CFP: variants seen among roughly 807,000 people sequenced by gnomAD.
CFP encodes complement factor properdin.
In CFP, 14 loss-of-function variants were observed where a neutral mutation model predicts 42.1. The observed-to-expected ratio is 0.33, with a 90% confidence interval of 0.22 to 0.52. The LOEUF (loss-of-function observed/expected upper bound fraction) is 0.52, where lower values mean the gene tolerates loss of function less well. Ranked by LOEUF, CFP falls within the 20% of genes least tolerant of loss-of-function variation. CFP has a pLI of 0.96. For missense variants in CFP, 318 were observed against 400.4 expected (o/e 0.79, Z 1.76); for synonymous variants, 149 against 160.6 (o/e 0.93, Z 0.54).
intron 2 of CFP, chrX:47,628,600 A>G: frequency 2.3e-6 from 1 of 427,617 alleles, no homozygotes; most frequent in South Asian, 2.6e-5. Context: ...TCACCACACT[A>G]CACGGTAGTA....
In CFP at chrX:47,627,340, G is replaced by C; in HGVS notation, c.575-8C>G. On this transcript the variant is annotated splice_polypyrimidine_tract_variant and splice_region_variant and intron_variant, in intron 4 of 8. Coordinates refer to ENST00000396992, the MANE Select transcript of CFP (RefSeq NM_001145252.3). Reference sequence around the variant, plus strand: ...TGGCCCAGGCCCCGTGTGCTGTGGTGGGGTGGGAGGTGGAGGGATGCAGGT... The same window carrying C: ...TGGCCCAGGCCCCGTGTGCTGTGGTCGGGTGGGAGGTGGAGGGATGCAGGT... 1 of 1,188,434 alleles carries C rather than the reference G, an allele frequency of 8.4e-7. No individual in the cohort carries two copies. The highest frequency in any genetic ancestry group is 1.1e-6 in the Non-Finnish European group (1 of 881,353).
intron 2 of CFP, 44 bp from the exon 3 acceptor site, chrX:47,628,321 A>G (rs2057977741): frequency 8.6e-7 from 1 of 1,156,385 alleles, no homozygotes; most frequent in Non-Finnish European, 1.2e-6. Flanking sequence ...ATGAGCTAAC[A>G]AGAATGGCAT....
chrX:47,624,728 A>G, intron 8 of CFP: 1 of 236,695 alleles, frequency 4.2e-6, no homozygotes, highest in Non-Finnish European at 7.5e-6. Flanking sequence ...TGGCCTCCCA[A>G]CACTACTTTT....
chrX:47,629,665 G>C lies in CFP; in HGVS notation c.86C>G (p.Pro29Arg). ...TTCATACTGGGTGAAGCAGAGCACG[G>C]GGTCTGAGCCTGTAACAGGGCCAGG... ...LLTLPATGSD[P>R]VLCFTQYEES... The change falls in exon 2 of 9, where the codon CCC (proline) becomes CGC (arginine). Residue 29 changes from proline (P) to arginine (R), a missense_variant. By Grantham distance (103) the Pro-to-Arg change is moderately radical. Transcript: ENST00000396992. The C allele has an allele frequency of 8.5e-7, 1 of 1,169,873 alleles. No individual in the cohort carries two copies. The highest frequency in any genetic ancestry group is 1.1e-6 in the Non-Finnish European group (1 of 873,189).
chrX:47,628,554 C>G (rs984951786), intron 2 of CFP: 1 of 473,321 alleles, frequency 2.1e-6, no homozygotes, highest in African/African-American at 2.4e-5. Context: ...AAGGTAAGGA[C>G]TAGAAACCAA....
chrX:47,629,635 G>C lies in CFP; in HGVS notation c.116C>G (p.Ser39Cys). The C allele has an allele frequency of 9.8e-7, 1 of 1,020,695 alleles. No individual in the cohort carries two copies. 84.1% of individuals were successfully genotyped at this position (1,020,695 alleles called of 1,213,427 possible). Residue 39 changes from serine (S) to cysteine (C), a missense_variant, in exon 2 of 9, where the codon TCC becomes TGC. By Grantham distance (112) the Ser-to-Cys change is moderately radical. Transcript: ENST00000396992. ...CAGGAGGCCCTTGCACTTGCCGGAGGATTCTTCATACTGGGTGAAGCAGAG... is the reference window on the plus strand; with the variant it reads ...CAGGAGGCCCTTGCACTTGCCGGAGCATTCTTCATACTGGGTGAAGCAGAG... ...PVLCFTQYEE[S>C]SGKCKGLLGG... is the part of the protein sequence containing the mutation.
At chrX:47,629,498 A>AAACCC in intron 2 of CFP, 26 bp downstream of exon 2, 1 of 270,862 alleles carries the variant, frequency 3.7e-6, no homozygotes, top group Non-Finnish European at 6.3e-6. Flanking sequence ...CCTCCCCCCC[A>AAACCC]TCCCCCACCC....
At position 47,624,373 on chromosome X, in the gene CFP, G is replaced by A. The variant is rs1215218713; in HGVS notation, c.1312C>T (p.Arg438Trp). 8.3e-6 allele frequency: 10 copies of A among 1,206,137 alleles called. No homozygotes were observed. The Admixed American group carries it at 2.0e-4, about 24-fold the overall frequency. ...NVTFWGRPLPRCEELQGQKLV... is the reference protein window; with the variant it reads ...NVTFWGRPLPWCEELQGQKLV... ...TTCTGCCCTTGTAGCTCCTCACACC[G>A]TGGCAGCGGTCTCCCCCAGAAGGTC... The change falls in exon 9 of 9, where the codon CGG (arginine) becomes TGG (tryptophan). Residue 438 changes from arginine (R) to tryptophan (W), a missense_variant. Physicochemically the swap from Arg to Trp is moderately radical, Grantham distance 101. Coordinates refer to ENST00000396992, the MANE Select transcript of CFP (RefSeq NM_001145252.3).
At chrX:47,624,651 C>G (rs754743448) in intron 8 of CFP, 2 of 348,222 alleles carry the variant, frequency 5.7e-6, no homozygotes, top group Non-Finnish European at 9.7e-6. Context: ...ATCTCCTGGG[C>G]TCAAGTGATG....
At chrX:47,627,434 G>A in intron 4 of CFP, 37 bp downstream of exon 4, 2 of 1,209,612 alleles carry the variant, frequency 1.7e-6, no homozygotes, top group East Asian at 5.9e-5. Flanking sequence ...CCCACGCTGG[G>A]TGCACCCATC....
At chrX:47,628,547 G>GTA (rs369140908) in intron 2 of CFP, 17 of 476,049 alleles carry the variant, frequency 3.6e-5, no homozygotes, top group African/African-American at 2.6e-4. Flanking sequence ...GTAAGCAAAG[G>GTA]TAAGGACTAG....
Position 47,627,503 on chromosome X carries a change from G to T in CFP, c.542C>A (p.Ser181Ter), listed in dbSNP as rs1249116125. 8.3e-7 allele frequency: 1 copy of T among 1,211,724 alleles called. No homozygotes were observed. Among genetic ancestry groups the T allele is most frequent in the Non-Finnish European group, 1.1e-6 (1 of 895,344 alleles). ...GGHCPGQAQE[S>*]EACDTQQVCP... ...GACCTGCTGGGTGTCACAGGCCTCT[G>T]ATTCCTGTGCCTGTCCTGGGCAGTG... is the stretch of plus-strand genomic sequence containing the variant. The change falls in exon 4 of 9, where the codon TCA becomes TAA. Residue 181 changes from serine to a stop codon, truncating the protein, a stop_gained. Coordinates refer to ENST00000396992, the MANE Select transcript of CFP (RefSeq NM_001145252.3). LOFTEE classifies it high-confidence loss of function.
chrX:47,629,498 A>AACCCCCCCCCCCGC, intron 2 of CFP, 26 bp downstream of exon 2: 1 of 270,862 alleles, frequency 3.7e-6, no homozygotes, highest in Non-Finnish European at 6.3e-6. Flanking sequence ...CCTCCCCCCC[A>AACCCCCCCCCCCGC]TCCCCCACCC....
chrX:47,626,119 AG>A lies in CFP; in HGVS notation c.1182del (p.Cys395ValfsTer35). The A allele has an allele frequency of 8.5e-7, 1 of 1,179,832 alleles. No homozygotes were observed. Among genetic ancestry groups the A allele is most frequent in the East Asian group, 3.1e-5 (1 of 32,160 alleles). On this transcript the variant is annotated frameshift_variant, in exon 8 of 9. Transcript: ENST00000396992. LOFTEE classifies it high-confidence loss of function. ...EWSTWGLCMPPCGPNPTRARQ... is the reference protein window; with the variant it reads ...EWSTWGLCMPXCGPNPTRARQ... ...CGGGCACGGGTAGGATTAGGTCCAC[AG>A]GGGGGCATGCACAGCCCCCAGGTAC... is the stretch of plus-strand genomic sequence containing the variant.
At position 47,624,113 on chromosome X, in the gene CFP, C is replaced by G; in HGVS notation, c.*162G>C. On this transcript the variant is annotated 3_prime_UTR_variant, in exon 9 of 9. Coordinates refer to ENST00000396992, the MANE Select transcript of CFP (RefSeq NM_001145252.3). ...TGTTTTCCGCAACAGGCTGCTGTGT[C>G]TTGGCCCGTGCTGTGCTGTTTGCCC... 1 of 544,251 alleles carries G rather than the reference C, an allele frequency of 1.8e-6. No individual in the cohort carries two copies. The highest frequency in any genetic ancestry group is 3.2e-6 in the Non-Finnish European group (1 of 314,482). 44.9% of individuals were successfully genotyped at this position (544,251 alleles called of 1,213,427 possible). A position where few individuals can be genotyped will look rare whatever the true frequency, so the allele number is the denominator to read the frequency against.
In CFP at chrX:47,623,388, T is replaced by G; in HGVS notation, c.*887A>C. On this transcript the variant is annotated 3_prime_UTR_variant, in exon 9 of 9. Coordinates refer to ENST00000396992, the MANE Select transcript of CFP (RefSeq NM_001145252.3). ...TTGTTAGTATACAGTAGGCGTTAAG[T>G]GTTGAATAGATGTTCACACGAAAGG... 1 of 112,234 alleles carries G rather than the reference T, an allele frequency of 8.9e-6. No homozygotes were observed. Among genetic ancestry groups the G allele is most frequent in the Non-Finnish European group, 1.9e-5 (1 of 53,261 alleles). The allele number at this position is 112,234 out of a possible 1,213,427, so 9.2% of individuals were successfully genotyped here.
Position 47,624,236 on chromosome X carries a change from T to C in CFP, c.*39A>G. The C allele has an allele frequency of 7.5e-6, 9 of 1,200,196 alleles. No homozygotes were observed. The highest frequency in any genetic ancestry group is 1.0e-5 in the Non-Finnish European group (9 of 885,410). On this transcript the variant is annotated 3_prime_UTR_variant, in exon 9 of 9. Transcript: ENST00000396992. Reference sequence around the variant, plus strand: ...ACTCGAAGAGGCTAGTTTATTGAGGTTTGGAAGGTCAGGGGGCTCAGAGTG... The same window carrying C: ...ACTCGAAGAGGCTAGTTTATTGAGGCTTGGAAGGTCAGGGGGCTCAGAGTG...
intron 8 of CFP, 155 bp downstream of exon 8, chrX:47,625,903 C>CT (rs1281704369): frequency 6.2e-5 from 32 of 513,199 alleles, no homozygotes; most frequent in African/African-American, 5.6e-4. Flanking sequence ...TTCTCATCTT[C>CT]TTAGTTTCTC....
rs1001427977 is a variant in CFP at position 47,627,205 on chromosome X, A to G, written c.702T>C (p.Pro234=). Reference sequence around the variant, plus strand: ...AGGCTAGCCCCGGGCAGGGCTTCCCAGGAGGTTTCTGGGAGGGCTCAGGTG... The same window carrying G: ...AGGCTAGCCCCGGGCAGGGCTTCCCGGGAGGTTTCTGGGAGGGCTCAGGTG... ...CSAPEPSQKP[P]GKPCPGLAYE... is the part of the protein sequence containing the mutation. Residue 234 remains proline, a synonymous_variant, in exon 5 of 9, where the codon CCT becomes CCC. Transcript: ENST00000396992. 5.8e-6 allele frequency: 7 copies of G among 1,210,582 alleles called. No homozygotes were observed. The Admixed American group carries it at 1.5e-4, about 26-fold the overall frequency.
Sources: gnomAD v4.1 joint callset for allele counts on GRCh38, gnomAD v4.1.1 for gene constraint, MANE v1.5 for transcripts, NCBI Gene and HGNC (gene_info 2026-07-23, HGNC 2026-07-21) for gene names.